The following TTLL10 variants were observed in gnomAD, a reference collection of about 807,000 sequenced individuals.
TTLL10 encodes inactive polyglycylase TTLL10.
TTLL10 carries 61 observed loss-of-function variants against 69.0 expected under a neutral mutation model. The ratio of observed to expected loss-of-function variants is 0.88; its 90% CI spans 0.72 to 1.09. The LOEUF is 1.09. Ranked by LOEUF, TTLL10 falls within the 50% of genes least tolerant of loss-of-function variation. TTLL10 has a pLI of 0.00. For missense variants in TTLL10, 962 were observed against 945.9 expected (o/e 1.02, Z -0.22); for synonymous variants, 408 against 393.3 (o/e 1.04, Z -0.44).
In TTLL10 at chr1:1,183,911, T is replaced by C. The variant is rs746166863; in HGVS notation, c.1089-9T>C. 1.9e-6 allele frequency: 3 copies of C among 1,613,990 alleles called. No individual in the cohort carries two copies. The East Asian group carries it at 6.7e-5, about 36-fold the overall frequency. On this transcript the variant is annotated splice_polypyrimidine_tract_variant and intron_variant, in intron 11 of 15. Transcript: ENST00000379289. ...GCTCAGCCCAGCAGCCCCGACATGG[T>C]GCCCCCAGGTACATCCAGAACCCGC...
At chr1:1,192,883 G>GT (rs1647929511) in intron 13 of TTLL10, among the ~76,000 whole-genome samples, 1 of 147,666 alleles carries the variant, frequency 6.8e-6, no homozygotes, top group Non-Finnish European at 1.5e-5. Context: ...TGGTTACCGT[G>GT]TGTGGTACAT....
At position 1,196,578 on chromosome 1, in the gene TTLL10, A is replaced by ATGCCTCCC. The variant is rs751724659; in HGVS notation, c.1402-10_1402-3dup. ...TCAGGGCCTACGGGCCGCAGCCAGG[A>ATGCCTCCC]TGCCTCCCTGCCTCCCTGCAGAAGC... is the stretch of plus-strand genomic sequence containing the variant. On this transcript the variant is annotated intron_variant, in intron 13 of 15. Transcript: ENST00000379289. 3.8e-4 allele frequency: 591 copies of ATGCCTCCC among 1,538,050 alleles called. 2 individuals are homozygous for ATGCCTCCC. Among genetic ancestry groups the ATGCCTCCC allele is most frequent in the Non-Finnish European group, 4.7e-4 (539 of 1,134,964 alleles).
rs376023511 is a variant in TTLL10, at chr1:1,180,607, G to A, written c.625+6G>A. ...CTACGGCAGCTTCCGGGAAGGTAGC[G>A]GGAGCCGGCACCAGAGGCGGGCAGC... On this transcript the variant is annotated splice_donor_region_variant and intron_variant, in intron 7 of 15. Transcript: ENST00000379289. The A allele has an allele frequency of 1.1e-4, 170 of 1,551,890 alleles. 1 individual carries two copies. The East Asian group carries it at 2.0e-3, about 19-fold the overall frequency.
rs79314543 is a variant in TTLL10 at position 1,190,712 on chromosome 1, T to C, written c.1401+5603T>C. Among the ~76,000 whole-genome samples, 988 of 152,318 alleles carry C rather than the reference T, an allele frequency of 6.5e-3. 13 individuals are homozygous for C. The highest frequency in any genetic ancestry group is 0.02 in the African/African-American group (841 of 41,556). On this transcript the variant is annotated intron_variant, in intron 13 of 15. Coordinates refer to ENST00000379289, the MANE Select transcript of TTLL10 (RefSeq NM_001130045.2). The stretch of plus-strand genomic sequence containing the variant: ...GGTTATGATTTCAGTTTTTTCTTCT[T>C]GCTTAAGGTAGGTGCTTAGTGCTAT...
chr1:1,194,030 G>T (rs377201459), intron 13 of TTLL10, among the ~76,000 whole-genome samples: 3 of 152,180 alleles, frequency 2.0e-5, no homozygotes. Flanking sequence ...GTGTGCACCT[G>T]TAGTCCTCCT....
At chr1:1,184,214 G>A (rs1647178472) in intron 12 of TTLL10, 123 bp downstream of exon 12, 9 of 1,395,180 alleles carry the variant, frequency 6.5e-6, no homozygotes, top group Non-Finnish European at 8.9e-6. Flanking sequence ...GCCGGGAGGT[G>A]TCTCAGGCCT....
At chr1:1,176,069 G>T (rs1377024019) in intron 3 of TTLL10, 6 of 447,842 alleles carry the variant, frequency 1.3e-5, no homozygotes, top group South Asian at 9.4e-5. Context: ...TGCAGGTGGA[G>T]AGAGGCTGCC....
In TTLL10 at chr1:1,180,805, G is replaced by A. The variant is rs917431583; in HGVS notation, c.700G>A (p.Gly234Arg). ...TKIGLLSTLR[G>R]RARAMSKASK... ...GATCGGGCTGCTCAGCACCCTTCGG[G>A]GACGGGCACGGGCCATGAGCAAGGC... Residue 234 changes from glycine to arginine, a missense_variant, in exon 8 of 16, where the codon GGA (glycine) becomes AGA (arginine). Gly to Arg is a moderately radical substitution (Grantham distance 125). Coordinates refer to ENST00000379289, the MANE Select transcript of TTLL10 (RefSeq NM_001130045.2). 1.2e-6 allele frequency: 2 copies of A among 1,603,346 alleles called. No homozygotes were observed. Among genetic ancestry groups the A allele is most frequent in the South Asian group, 1.1e-5 (1 of 88,830 alleles).
At position 1,197,563 on chromosome 1, in the gene TTLL10, T is replaced by C; in HGVS notation, c.1738T>C (p.Cys580Arg). The C allele has an allele frequency of 6.6e-7, 1 of 1,516,684 alleles. No homozygotes were observed. The highest frequency in any genetic ancestry group is 8.8e-7 in the Non-Finnish European group (1 of 1,137,632). 94.0% of individuals were successfully genotyped at this position (1,516,684 alleles called of 1,614,324 possible). ...CCCGCGGCCGCACCTGGGGGGCTCG[T>C]GCAGCCTCCGCCGCTGGCCGCCCCT... is the stretch of plus-strand genomic sequence containing the variant. ...ADPRPHLGGS[C>R]SLRRWPPLPT... Residue 580 changes from cysteine to arginine, a missense_variant, in exon 16 of 16, where the codon TGC (cysteine) becomes CGC (arginine). Physicochemically the swap from Cys to Arg is radical, Grantham distance 180 (BLOSUM62 -3). Transcript: ENST00000379289.
Position 1,197,826 on chromosome 1 carries a change from G to T in TTLL10, c.2001G>T (p.Glu667Asp), listed in dbSNP as rs369077549. Residue 667 changes from glutamate (E) to aspartate (D), a missense_variant, in exon 16 of 16, where the codon GAG (glutamate) becomes GAT (aspartate). Coordinates refer to ENST00000379289, the MANE Select transcript of TTLL10 (RefSeq NM_001130045.2). ...GGACAGCCAAGGAGGAACGCGAGGA[G>T]CCTGAGAACGCGAGGCCCTAGGGGC... Reference protein sequence around the residue: ...SPGTAKEEREEPENARP With the variant: ...SPGTAKEEREDPENARP 132 of 1,502,444 alleles carry T rather than the reference G, an allele frequency of 8.8e-5. 7 individuals carry two copies. Among genetic ancestry groups the T allele is most frequent in the East Asian group, 7.5e-4 (29 of 38,684 alleles). 93.1% of individuals were successfully genotyped at this position (1,502,444 alleles called of 1,614,324 possible).
chr1:1,187,466 C>T (rs1363543880), intron 13 of TTLL10, among the ~76,000 whole-genome samples: 1 of 151,888 alleles, frequency 6.6e-6, no homozygotes, highest in Non-Finnish European at 1.5e-5. Flanking sequence ...CCCATCTCTA[C>T]TAAAAATATG....
rs753052909 is a variant in TTLL10, at chr1:1,180,270, G to A, written c.436G>A (p.Gly146Arg). The A allele has an allele frequency of 3.9e-5, 62 of 1,598,006 alleles. No homozygotes were observed. The African/African-American group carries it at 7.9e-4, about 20-fold the overall frequency. Residue 146 changes from glycine (G) to arginine (R), a missense_variant, in exon 6 of 16, where the codon GGG becomes AGG. Physicochemically the swap from Gly to Arg is moderately radical, Grantham distance 125 (BLOSUM62 -2). Transcript: ENST00000379289. ...CCTGGAGGGGCTCCTGCTGGGGGGT[G>A]GGAAGCCATCGCCCCACAGCACCCG... is the stretch of plus-strand genomic sequence containing the variant. ...ALLEGLLLGG[G>R]KPSPHSTRPG...
In TTLL10 at chr1:1,195,535, G is replaced by A. The variant is rs1430670569; in HGVS notation, c.1402-1065G>A. On this transcript the variant is annotated intron_variant, in intron 13 of 15. Transcript: ENST00000379289. ...TTTTTTTTTAGTTTTAGTAGAGGCA[G>A]GGTTTCACCATGTTGGCAAGGCTTG... Among the ~76,000 whole-genome samples, 42 of 83,310 alleles carry A rather than the reference G, an allele frequency of 5.0e-4. 1 individual carries two copies. The allele number at this position is 83,310 out of a possible 152,430, so 54.7% of individuals were successfully genotyped here.
chr1:1,180,107 C>G lies in TTLL10; in HGVS notation c.273C>G (p.His91Gln), dbSNP rs775306451. The G allele has an allele frequency of 2.5e-6, 4 of 1,611,048 alleles. No homozygotes were observed. Among genetic ancestry groups the G allele is most frequent in the Non-Finnish European group, 3.4e-6 (4 of 1,179,014 alleles). Residue 91 changes from histidine to glutamine, a missense_variant, in exon 6 of 16, where the codon CAC becomes CAG. Physicochemically the swap from His to Gln is conservative, Grantham distance 24. Transcript: ENST00000379289. The stretch of plus-strand genomic sequence containing the variant: ...GGTGTCAGCCAAGCCAGCCAGACCA[C>G]GACGCAGATGGACACTGTGGGCCGG... The part of the protein sequence containing the change: ...GLRCQPSQPD[H>Q]DADGHCGPDL...
rs1647034846 is a variant in TTLL10 at position 1,180,824 on chromosome 1, G to C, written c.719G>C (p.Ser240Thr). 1 of 1,593,780 alleles carries C rather than the reference G, an allele frequency of 6.3e-7. No homozygotes were observed. Residue 240 changes from serine (S) to threonine (T), a missense_variant, in exon 8 of 16, where the codon AGC becomes ACC. Transcript: ENST00000379289. ...STLRGRARAM[S>T]KASKVPGGVQ... ...CTTCGGGGACGGGCACGGGCCATGAGCAAGGCCAGCAAGGTGCCGGGGGGG... is the reference window on the plus strand; with the variant it reads ...CTTCGGGGACGGGCACGGGCCATGACCAAGGCCAGCAAGGTGCCGGGGGGG...
At chr1:1,193,718 G>C (rs529793181) in intron 13 of TTLL10, among the ~76,000 whole-genome samples, 2 of 152,216 alleles carry the variant, frequency 1.3e-5, no homozygotes, top group Non-Finnish European at 2.9e-5. Flanking sequence ...ACCCGCCTCA[G>C]CTTCCCAGGG....
intron 3 of TTLL10, chr1:1,175,774 G>A (rs931160550): frequency 7.2e-6 from 3 of 417,902 alleles, no homozygotes; most frequent in Admixed American, 5.1e-5. Flanking sequence ...TGCAGGTGGA[G>A]AGGCTGCTGC....
At position 1,181,339 on chromosome 1, in the gene TTLL10, C is replaced by A. The variant is rs112698651; in HGVS notation, c.756-402C>A. Among the ~76,000 whole-genome samples the A allele has an allele frequency of 6.6e-6, 1 of 151,952 alleles. No homozygotes were observed. Among genetic ancestry groups the A allele is most frequent in the Non-Finnish European group, 1.5e-5 (1 of 67,978 alleles). ...CACCTGTGGGTGCCCTGAGTGAGGC[C>A]GTCCATCGCTCACCCAAGTCTGGGC... On this transcript the variant is annotated intron_variant, in intron 8 of 15. Coordinates refer to ENST00000379289, the MANE Select transcript of TTLL10 (RefSeq NM_001130045.2). This position sits in a 1 kb window ranked among gnomAD's most constrained non-coding sequence, Gnocchi z 4.6.
At position 1,195,500 on chromosome 1, in the gene TTLL10, C is replaced by CTTTTTTTTTTTTTTTT. The variant is rs1168016636; in HGVS notation, c.1402-1097_1402-1082dup. ...TATTTGATAAGACATCATCGTCATA[C>CTTTTTTTTTTTTTTTT]TTTTTTTTTTTTTTTTTTAGTTTTA... is the stretch of plus-strand genomic sequence containing the variant. On this transcript the variant is annotated intron_variant, in intron 13 of 15. Coordinates refer to ENST00000379289, the MANE Select transcript of TTLL10 (RefSeq NM_001130045.2). Among the ~76,000 whole-genome samples the CTTTTTTTTTTTTTTTT allele has an allele frequency of 1.4e-3, 140 of 98,688 alleles. 2 individuals are homozygous for CTTTTTTTTTTTTTTTT. Among genetic ancestry groups the CTTTTTTTTTTTTTTTT allele is most frequent in the African/African-American group, 2.2e-3 (53 of 24,062 alleles). The allele number at this position is 98,688 out of a possible 152,430, so 64.7% of individuals were successfully genotyped here.
Sources: gnomAD v4.1 joint callset for allele counts (sites outside exome capture counted in the v4.1 genomes callset) on GRCh38, gnomAD v4.1.1 for gene constraint, Gnocchi (gnomAD v3.1) non-coding constraint, MANE v1.5 for transcripts, NCBI Gene and HGNC (gene_info 2026-07-23, HGNC 2026-07-21) for gene names.